Variants in UNCX observed in about 807,000 individuals in gnomAD.
The protein encoded by UNCX is homeobox protein unc-4 homolog.
UNCX carries 4 observed loss-of-function variants against 14.8 expected under a neutral mutation model. The observed-to-expected ratio is 0.27, with a 90% CI of 0.13 to 0.62. UNCX has a LOEUF of 0.62. UNCX is among the 20% of genes least tolerant of loss of function. UNCX has a pLI of 0.86. For missense variants in UNCX, 749 were observed against 786.8 expected, an observed-to-expected ratio of 0.95 and a Z score of 0.58; for synonymous variants, 459 against 395.8, an observed-to-expected ratio of 1.16 and a Z score of -1.90.
Position 1,233,513 on chromosome 7 carries a change from C to T in UNCX, c.275-7C>T. 2 of 1,607,892 alleles carry T rather than the reference C, an allele frequency of 1.2e-6. No individual in the cohort carries two copies. Among genetic ancestry groups the T allele is most frequent in the South Asian group, 2.2e-5 (2 of 90,702 alleles). On this transcript the variant is annotated splice_region_variant and splice_polypyrimidine_tract_variant and intron_variant, in intron 1 of 2. Transcript: ENST00000316333. This position sits in a 1 kb window ranked among gnomAD's most constrained non-coding sequence, Gnocchi z 5.3. ...TGAGCCGCGCTGCGTCCTGTGACTGCCCGCAGACTCGGGGGACCCGGACAA... is the reference window on the plus strand; with the variant it reads ...TGAGCCGCGCTGCGTCCTGTGACTGTCCGCAGACTCGGGGGACCCGGACAA...
rs1778760319 is a variant in UNCX, at chr7:1,236,974, C to G, written c.1593C>G (p.Asp531Glu). The change falls in exon 3 of 3, where the codon GAC (aspartate) becomes GAG (glutamate). Residue 531 changes from aspartate to glutamate, a missense_variant. This residue lies in a region of UNCX where 552 missense variants were observed against 507.2 expected (regional missense o/e 1.09). Transcript: ENST00000316333. The surrounding 1 kb of genome is among the most constrained non-coding windows in gnomAD (Gnocchi z 6.9). ...SPPEGEELDMD is the reference protein window; with the variant it reads ...SPPEGEELDME The stretch of plus-strand genomic sequence containing the variant: ...CGGAGGGCGAGGAGCTGGACATGGA[C>G]TGAGGCCGCGGCGGCCGGGAGAGGC... 1 of 1,190,168 alleles carries G rather than the reference C, an allele frequency of 8.4e-7. No homozygotes were observed. The highest frequency in any genetic ancestry group is 4.0e-5 in the South Asian group (1 of 24,798). The allele number at this position is 1,190,168 out of a possible 1,614,324, so 73.7% of individuals were successfully genotyped here.
intron 2 of UNCX, 76 bp from the exon 3 acceptor site, chr7:1,235,756 A>C: frequency 7.4e-7 from 1 of 1,353,134 alleles, no homozygotes; most frequent in Non-Finnish European, 1.0e-6. Flanking sequence ...CTCTGGGGGG[A>C]GCGGGGAGGT....
In UNCX at chr7:1,236,490, G is replaced by C. The variant is rs1778745185; in HGVS notation, c.1109G>C (p.Arg370Pro). The change falls in exon 3 of 3, where the codon CGG becomes CCG. Residue 370 changes from arginine to proline, a missense_variant. By Grantham distance (103) the Arg-to-Pro change is moderately radical. Coordinates refer to ENST00000316333, the MANE Select transcript of UNCX (RefSeq NM_001080461.3). This position sits in a 1 kb window ranked among gnomAD's most constrained non-coding sequence, Gnocchi z 6.9. ...DFAPGLPCAP[R>P]TLIGKGHFLL... is the part of the protein sequence containing the mutation. ...GCGCCCGGGCTGCCGTGCGCGCCGC[G>C]GACCCTGATCGGCAAGGGCCACTTC... 1 of 1,400,728 alleles carries C rather than the reference G, an allele frequency of 7.1e-7. No homozygotes were observed. The highest frequency in any genetic ancestry group is 9.3e-7 in the Non-Finnish European group (1 of 1,073,780). The allele number at this position is 1,400,728 out of a possible 1,614,324, so 86.8% of individuals were successfully genotyped here.
rs768648477 is a variant in UNCX, at chr7:1,236,430, A to ACGCCGC, written c.1065_1070dup (p.Ala356_Ala357dup). The ACGCCGC allele has an allele frequency of 1.8e-5, 24 of 1,357,110 alleles. No homozygotes were observed. The highest frequency in any genetic ancestry group is 2.8e-4 in the Middle Eastern group (1 of 3,630). The allele number at this position is 1,357,110 out of a possible 1,614,324, so 84.1% of individuals were successfully genotyped here. On this transcript the variant is annotated inframe_insertion, in exon 3 of 3. Transcript: ENST00000316333. This position sits in a 1 kb window ranked among gnomAD's most constrained non-coding sequence, Gnocchi z 6.9. ...CCGCCGCGCCGGAAAGCCGCTTCCA[A>ACGCCGC]CGCCGCCGCCGCCGCCGCCGCGGGG...
Position 1,237,257 on chromosome 7 carries a change from T to C in UNCX, c.*280T>C, listed in dbSNP as rs1778766067. The C allele has an allele frequency of 6.0e-6, 1 of 166,666 alleles. No homozygotes were observed. 10.3% of individuals were successfully genotyped at this position (166,666 alleles called of 1,614,324 possible). A position where few individuals can be genotyped will look rare whatever the true frequency, so the allele number is the denominator to read the frequency against. ...CCCACAACGAGAATCCTCAGCCTTGTAAAATGCAAAAATGTCTAAGAATAT... is the reference window on the plus strand; with the variant it reads ...CCCACAACGAGAATCCTCAGCCTTGCAAAATGCAAAAATGTCTAAGAATAT... On this transcript the variant is annotated 3_prime_UTR_variant, in exon 3 of 3. Transcript: ENST00000316333. This position sits in a 1 kb window ranked among gnomAD's most constrained non-coding sequence, Gnocchi z 5.8.
rs565097831 is a variant in UNCX at position 1,233,827 on chromosome 7, A to G, written c.450+132A>G. 2,622 of 1,134,052 alleles carry G rather than the reference A, an allele frequency of 2.3e-3. 7 individuals carry two copies. The highest frequency in any genetic ancestry group is 2.7e-3 in the Non-Finnish European group (2,230 of 831,818). 70.2% of individuals were successfully genotyped at this position (1,134,052 alleles called of 1,614,324 possible). ...CCGCTTCGCGCTCGCCTGCTGGGGA[A>G]GAGTGGAGGGGTGGGGGTTCTGGGG... is the stretch of plus-strand genomic sequence containing the variant. On this transcript the variant is annotated intron_variant, in intron 2 of 2. Transcript: ENST00000316333. The surrounding 1 kb of genome is among the most constrained non-coding windows in gnomAD (Gnocchi z 5.3).
Position 1,233,614 on chromosome 7 carries a change from G to A in UNCX, c.369G>A (p.Ala123=), listed in dbSNP as rs559130948. Residue 123 remains alanine, a synonymous_variant, in exon 2 of 3, where the codon GCG becomes GCA. Transcript: ENST00000316333. The surrounding 1 kb of genome is among the most constrained non-coding windows in gnomAD (Gnocchi z 5.3). ...TGWQLEELEK[A]FNESHYPDVF... is the part of the protein sequence containing the mutation. ...GGCAGCTGGAGGAGCTGGAGAAGGCGTTCAACGAGAGCCACTATCCCGACG... is the reference window on the plus strand; with the variant it reads ...GGCAGCTGGAGGAGCTGGAGAAGGCATTCAACGAGAGCCACTATCCCGACG... The A allele has an allele frequency of 6.2e-6, 10 of 1,613,128 alleles. No homozygotes were observed. In the East Asian group the frequency reaches 1.6e-4, roughly 25 times the overall value.
At chr7:1,235,735 T>G in intron 2 of UNCX, 97 bp from the exon 3 acceptor site, 1 of 1,134,032 alleles carries the variant, frequency 8.8e-7, no homozygotes, top group Non-Finnish European at 1.2e-6. Context: ...GAGCGGAGGT[T>G]GTGCAGGCCC....
rs1201607054 is a variant in UNCX at position 1,236,308 on chromosome 7, G to C, written c.927G>C (p.Ser309=). ...GCCCTGCGGACAAGGACGCGGCCTC[G>C]TGCGGGCCAGGGGCCGCTGTGGCGG... ...PGRPADKDAA[S]CGPGAAVAAV... Residue 309 remains serine, a synonymous_variant, in exon 3 of 3, where the codon TCG becomes TCC. Coordinates refer to ENST00000316333, the MANE Select transcript of UNCX (RefSeq NM_001080461.3). The surrounding 1 kb of genome is among the most constrained non-coding windows in gnomAD (Gnocchi z 6.9). The C allele has an allele frequency of 2.2e-6, 3 of 1,345,962 alleles. No homozygotes were observed. The highest frequency in any genetic ancestry group is 1.6e-5 in the African/African-American group (1 of 64,092). 83.4% of individuals were successfully genotyped at this position (1,345,962 alleles called of 1,614,324 possible).
rs994768445 is a variant in UNCX at position 1,236,186 on chromosome 7, C to T, written c.805C>T (p.Pro269Ser). The T allele has an allele frequency of 7.0e-6, 9 of 1,281,798 alleles. No homozygotes were observed. The African/African-American group carries it at 8.1e-5, about 11-fold the overall frequency. The allele number at this position is 1,281,798 out of a possible 1,614,324, so 79.4% of individuals were successfully genotyped here. ...CGCCTCGGGCGCCGCGGGGACCGCG[C>T]CCGCCCCTCCCGGCGAGCCGCCTGC... ...AHASGAAGTAPAPPGEPPAPG... is the reference protein window; with the variant it reads ...AHASGAAGTASAPPGEPPAPG... The change falls in exon 3 of 3, where the codon CCC becomes TCC. Residue 269 changes from proline to serine, a missense_variant. Physicochemically the swap from Pro to Ser is moderately conservative, Grantham distance 74 (BLOSUM62 -1). Coordinates refer to ENST00000316333, the MANE Select transcript of UNCX (RefSeq NM_001080461.3). This position sits in a 1 kb window ranked among gnomAD's most constrained non-coding sequence, Gnocchi z 6.9.
chr7:1,232,935 C>T lies in UNCX; in HGVS notation c.-83C>T. 1 of 731,232 alleles carries T rather than the reference C, an allele frequency of 1.4e-6. No individual in the cohort carries two copies. The highest frequency in any genetic ancestry group is 1.7e-6 in the Non-Finnish European group (1 of 600,704). The allele number at this position is 731,232 out of a possible 1,614,324, so 45.3% of individuals were successfully genotyped here. ...GGGTCCCTGTCTCCGCCGCCGCCGC[C>T]CGCGCCTCCCGCCGCTGGCCCGCCC... is the stretch of plus-strand genomic sequence containing the variant. On this transcript the variant is annotated 5_prime_UTR_variant, in exon 1 of 3. Transcript: ENST00000316333.
chr7:1,235,785 G>T, intron 2 of UNCX, 47 bp from the exon 3 acceptor site: 3 of 1,565,158 alleles, frequency 1.9e-6, no homozygotes, highest in Non-Finnish European at 2.6e-6. Context: ...CCGGCGGCCA[G>T]CCCGCCGCCT....
chr7:1,233,369 C>A lies in UNCX; in HGVS notation c.274+78C>A, dbSNP rs1370844240. ...CTGGTCCGGCCGAGGCGCTGGGGGG[C>A]CCGGGGCTGGCGAAGGAGAGCCGGC... On this transcript the variant is annotated intron_variant, in intron 1 of 2. Coordinates refer to ENST00000316333, the MANE Select transcript of UNCX (RefSeq NM_001080461.3). The surrounding 1 kb of genome is among the most constrained non-coding windows in gnomAD (Gnocchi z 5.3). The A allele has an allele frequency of 1.5e-6, 2 of 1,345,396 alleles. No homozygotes were observed. Among genetic ancestry groups the A allele is most frequent in the Admixed American group, 4.0e-5 (1 of 25,154 alleles). 83.3% of individuals were successfully genotyped at this position (1,345,396 alleles called of 1,614,324 possible). A position where few individuals can be genotyped will look rare whatever the true frequency, so the allele number is the denominator to read the frequency against.
chr7:1,236,595 C>A lies in UNCX; in HGVS notation c.1214C>A (p.Ala405Glu). 1 of 1,157,138 alleles carries A rather than the reference C, an allele frequency of 8.6e-7. No individual in the cohort carries two copies. The highest frequency in any genetic ancestry group is 1.1e-6 in the Non-Finnish European group (1 of 943,492). 71.7% of individuals were successfully genotyped at this position (1,157,138 alleles called of 1,614,324 possible). ...ALKGGAGLEPAPKDAPPAPAV... is the reference protein window; with the variant it reads ...ALKGGAGLEPEPKDAPPAPAV... ...AAGGGCGGCGCGGGCCTGGAGCCGGCGCCCAAGGACGCGCCGCCCGCGCCC... is the reference window on the plus strand; with the variant it reads ...AAGGGCGGCGCGGGCCTGGAGCCGGAGCCCAAGGACGCGCCGCCCGCGCCC... The change falls in exon 3 of 3, where the codon GCG (alanine) becomes GAG (glutamate). Residue 405 changes from alanine (A) to glutamate (E), a missense_variant. Physicochemically the swap from Ala to Glu is moderately radical, Grantham distance 107. Around this residue, in one of 3 missense-constraint regions of UNCX, gnomAD observed 552 missense variants for 507.2 expected, o/e 1.09. Transcript: ENST00000316333. This position sits in a 1 kb window ranked among gnomAD's most constrained non-coding sequence, Gnocchi z 6.9.
At position 1,236,004 on chromosome 7, in the gene UNCX, A is replaced by G. The variant is rs1192340135; in HGVS notation, c.623A>G (p.Glu208Gly). 1.2e-5 allele frequency: 19 copies of G among 1,608,418 alleles called. No homozygotes were observed. The highest frequency in any genetic ancestry group is 1.6e-5 in the Non-Finnish European group (19 of 1,178,374). ...EKMEKKKRKH[E>G]KKLLKSQGRH... Reference sequence around the variant, plus strand: ...ATGGAGAAGAAGAAGCGCAAGCACGAGAAGAAGCTGCTGAAGAGCCAGGGC... The same window carrying G: ...ATGGAGAAGAAGAAGCGCAAGCACGGGAAGAAGCTGCTGAAGAGCCAGGGC... The change falls in exon 3 of 3, where the codon GAG becomes GGG. Residue 208 changes from glutamate (E) to glycine (G), a missense_variant. Physicochemically the swap from Glu to Gly is moderately conservative, Grantham distance 98 (BLOSUM62 -2). Around this residue, in one of 3 missense-constraint regions of UNCX, gnomAD observed 552 missense variants for 507.2 expected, o/e 1.09. Transcript: ENST00000316333. The surrounding 1 kb of genome is among the most constrained non-coding windows in gnomAD (Gnocchi z 6.9).
chr7:1,233,530 C>T lies in UNCX; in HGVS notation c.285C>T (p.Asp95=). 6.2e-7 allele frequency: 1 copy of T among 1,611,242 alleles called. No individual in the cohort carries two copies. Among genetic ancestry groups the T allele is most frequent in the Non-Finnish European group, 8.5e-7 (1 of 1,179,492 alleles). Residue 95 remains aspartate, a synonymous_variant, in exon 2 of 3, where the codon GAC becomes GAT. Transcript: ENST00000316333. The surrounding 1 kb of genome is among the most constrained non-coding windows in gnomAD (Gnocchi z 5.3). ...TGTGACTGCCCGCAGACTCGGGGGA[C>T]CCGGACAAGGAGAGCCCGGGCTGCA... The part of the protein sequence containing the change: ...GQPFKLSDSG[D]PDKESPGCKR...
rs1197205278 is a variant in UNCX, at chr7:1,233,176, C to T, written c.159C>T (p.Ser53=). 7 of 1,461,478 alleles carry T rather than the reference C, an allele frequency of 4.8e-6. No homozygotes were observed. Among genetic ancestry groups the T allele is most frequent in the Non-Finnish European group, 5.4e-6 (6 of 1,110,712 alleles). The allele number at this position is 1,461,478 out of a possible 1,614,324, so 90.5% of individuals were successfully genotyped here. ...CCGCCGCCGCCTCGGTGCCCTTCTC[C>T]ATCGACGGCCTGCTCGGGGGCTCGT... The part of the protein sequence containing the change: ...SAAAAASVPF[S]IDGLLGGSCA... Residue 53 remains serine (S), a synonymous_variant, in exon 1 of 3, where the codon TCC becomes TCT. Coordinates refer to ENST00000316333, the MANE Select transcript of UNCX (RefSeq NM_001080461.3). The surrounding 1 kb of genome is among the most constrained non-coding windows in gnomAD (Gnocchi z 5.3).
At chr7:1,235,584 G>A (rs1034989986) in intron 2 of UNCX, among the ~76,000 whole-genome samples, 4 of 152,272 alleles carry the variant, frequency 2.6e-5, no homozygotes, top group South Asian at 2.1e-4. Flanking sequence ...CCCGAGGTGA[G>A]AAGCCAGAGC....
In UNCX at chr7:1,236,716, C is replaced by T; in HGVS notation, c.1335C>T (p.Asp445=). ...PDSAFARRSP[D]AVASPGAPAP... ...CGGCCTTCGCGCGTCGCAGCCCCGA[C>T]GCCGTCGCCTCCCCGGGGGCCCCAG... Residue 445 remains aspartate (D), a synonymous_variant, in exon 3 of 3, where the codon GAC becomes GAT. Coordinates refer to ENST00000316333, the MANE Select transcript of UNCX (RefSeq NM_001080461.3). This position sits in a 1 kb window ranked among gnomAD's most constrained non-coding sequence, Gnocchi z 6.9. 1 of 995,648 alleles carries T rather than the reference C, an allele frequency of 1.0e-6. No homozygotes were observed. The highest frequency in any genetic ancestry group is 1.2e-6 in the Non-Finnish European group (1 of 838,332). The allele number at this position is 995,648 out of a possible 1,614,324, so 61.7% of individuals were successfully genotyped here.
Sources: allele counts gnomAD v4.1 joint callset (sites outside exome capture counted in the v4.1 genomes callset), GRCh38; gene constraint gnomAD v4.1.1; regional missense constraint gnomAD v4.1.1; non-coding constraint Gnocchi (gnomAD v3.1); transcripts MANE v1.5; gene names NCBI Gene and HGNC (gene_info 2026-07-23, HGNC 2026-07-21).